Variants in ASIC2 observed in about 807,000 individuals in gnomAD.
The protein encoded by ASIC2 is acid-sensing ion channel 2.
Under a neutral mutation model 57.3 loss-of-function variants are expected in ASIC2, and 25 were observed. That is an observed-to-expected ratio of 0.44 (90% CI 0.32 to 0.61). The LOEUF (loss-of-function observed/expected upper bound fraction) is 0.61, where lower values mean the gene tolerates loss of function less well. Ranked by LOEUF, ASIC2 falls within the 20% of genes least tolerant of loss-of-function variation. ASIC2 has a pLI of 0.06. For missense variants in ASIC2, 641 were observed against 738.1 expected (o/e 0.87, Z 1.52); for synonymous variants, 319 against 307.5 (o/e 1.04, Z -0.39).
At chr17:33,367,583 A>C (rs766208336) in intron 1 of ASIC2, among the ~76,000 whole-genome samples, 5 of 152,320 alleles carry the variant, frequency 3.3e-5, no homozygotes, top group Middle Eastern at 3.4e-3. Flanking sequence ...GCCTCCCTTC[A>C]TGCCTGCTGT....
intron 1 of ASIC2, among the ~76,000 whole-genome samples, chr17:33,915,259 C>T (rs1915559347): frequency 6.6e-6 from 1 of 152,190 alleles, no homozygotes; most frequent in Admixed American, 6.5e-5. Flanking sequence ...GTGTGCCTGG[C>T]TTTAAGAAAG....
chr17:33,693,917 G>A (rs914529878), intron 1 of ASIC2, among the ~76,000 whole-genome samples: 2 of 152,170 alleles, frequency 1.3e-5, no homozygotes, highest in Admixed American at 6.5e-5. Context: ...CTAGTGTCAC[G>A]ACCAATTTGT....
chr17:34,075,075 G>A (rs1325188525), intron 1 of ASIC2, among the ~76,000 whole-genome samples: 2 of 152,008 alleles, frequency 1.3e-5, no homozygotes, highest in African/African-American at 2.4e-5. Context: ...GTGAGCCACC[G>A]CGCCCGGCCA....
At chr17:33,651,918 C>T (rs1396361627) in intron 1 of ASIC2, among the ~76,000 whole-genome samples, 1 of 152,168 alleles carries the variant, frequency 6.6e-6, no homozygotes, top group Non-Finnish European at 1.5e-5. Context: ...AAAGTTTGCA[C>T]TTGGAGGTAG....
chr17:33,027,433 G>A (rs1199829734), intron 4 of ASIC2, among the ~76,000 whole-genome samples: 7 of 152,094 alleles, frequency 4.6e-5, no homozygotes, highest in Non-Finnish European at 8.8e-5. Flanking sequence ...CAACATTCCC[G>A]GCACATAGTA....
intron 1 of ASIC2, among the ~76,000 whole-genome samples, chr17:33,668,272 CTTTTT>C (rs397856474): frequency 3.3e-5 from 2 of 61,388 alleles, no homozygotes; most frequent in African/African-American, 8.9e-5. Context: ...ATCAAATGTT[CTTTTT>C]TTTTTTTTTT....
chr17:34,145,321 A>G (rs1298116229), intron 1 of ASIC2, among the ~76,000 whole-genome samples: 1 of 152,110 alleles, frequency 6.6e-6, no homozygotes, highest in African/African-American at 2.4e-5. Flanking sequence ...GATGTGCTGG[A>G]TTGCATCTAT....
intron 1 of ASIC2, among the ~76,000 whole-genome samples, chr17:33,521,988 T>A (rs949496323): frequency 6.6e-6 from 1 of 152,198 alleles, no homozygotes; most frequent in Admixed American, 6.5e-5. Flanking sequence ...GGGGGCCCTC[T>A]GCTGGGCAGC....
intron 1 of ASIC2, among the ~76,000 whole-genome samples, chr17:33,151,884 A>G (rs1904813922): frequency 6.6e-6 from 1 of 152,210 alleles, no homozygotes; most frequent in African/African-American, 2.4e-5. Context: ...GGGCTAAGAC[A>G]CTTCTGGAGT....
At chr17:33,673,261 A>G (rs1446982354) in intron 1 of ASIC2, among the ~76,000 whole-genome samples, 1 of 152,126 alleles carries the variant, frequency 6.6e-6, no homozygotes, top group Non-Finnish European at 1.5e-5. Context: ...ACTGAGGCAT[A>G]AAGGGGATGA....
At chr17:33,925,102 C>T (rs925471292) in intron 1 of ASIC2, among the ~76,000 whole-genome samples, 7 of 152,212 alleles carry the variant, frequency 4.6e-5, no homozygotes, top group African/African-American at 7.2e-5. Flanking sequence ...AGGGTTGATG[C>T]CTCAGGCCTT....
intron 1 of ASIC2, among the ~76,000 whole-genome samples, chr17:33,128,889 G>A (rs992717046): frequency 1.3e-5 from 2 of 152,176 alleles, no homozygotes; most frequent in African/African-American, 2.4e-5. Flanking sequence ...CACAGTGAGT[G>A]TGCAACAAAT....
chr17:33,424,413 G>T (rs950288029), intron 1 of ASIC2, among the ~76,000 whole-genome samples: 15 of 152,216 alleles, frequency 9.9e-5, no homozygotes, highest in Non-Finnish European at 2.1e-4. Flanking sequence ...CAGAAGTTCA[G>T]TGGGGAGTCC....
At chr17:33,909,262 C>T (rs1056891943) in intron 1 of ASIC2, among the ~76,000 whole-genome samples, 1 of 152,194 alleles carries the variant, frequency 6.6e-6, no homozygotes, top group African/African-American at 2.4e-5. Context: ...AGGCATTATC[C>T]TCTCCCGTTG....
At chr17:33,180,098 TG>T (rs1200652964) in intron 1 of ASIC2, among the ~76,000 whole-genome samples, 27 of 152,258 alleles carry the variant, frequency 1.8e-4, no homozygotes, top group Admixed American at 6.5e-4. Flanking sequence ...TAAAAACAAC[TG>T]GAAAGGAATG....
chr17:33,799,427 C>CTTTCTTTCTTTCT (rs11439080), intron 1 of ASIC2, among the ~76,000 whole-genome samples: 2 of 84,058 alleles, frequency 2.4e-5, no homozygotes, highest in Admixed American at 1.4e-4. Flanking sequence ...TTCTTTCTTT[C>CTTTCTTTCTTTCT]TTCTTTCTTT....
intron 1 of ASIC2, among the ~76,000 whole-genome samples, chr17:33,579,839 G>A (rs1904364984): frequency 1.3e-5 from 2 of 152,108 alleles, no homozygotes; most frequent in South Asian, 2.1e-4. Context: ...CGGGTGGGCT[G>A]CATTTATTCC....
rs142107394 is a variant in ASIC2, at chr17:33,651,107, CAT to C, written c.555+504869_555+504870del. 1.5e-4 allele frequency among the ~76,000 whole-genome samples: 23 copies of C among 152,220 alleles called. No individual in the cohort carries two copies. The East Asian group carries it at 2.3e-3, about 15-fold the overall frequency. On this transcript the variant is annotated intron_variant, in intron 1 of 9. Transcript: ENST00000359872. Reference sequence around the variant, plus strand: ...AAATTAAAGAAGAACAAAAACTACACATGTGACAAAATTTTGTAGAAACACAC... The same window carrying C: ...AAATTAAAGAAGAACAAAAACTACACGTGACAAAATTTTGTAGAAACACAC...
intron 1 of ASIC2, among the ~76,000 whole-genome samples, chr17:33,866,987 G>C (rs1914253962): frequency 6.6e-6 from 1 of 152,192 alleles, no homozygotes; most frequent in Non-Finnish European, 1.5e-5. Context: ...AAAAGAATAT[G>C]TAATGTGAAT....
Sources: gnomAD v4.1 joint callset for allele counts (sites outside exome capture counted in the v4.1 genomes callset) on GRCh38, gnomAD v4.1.1 for gene constraint, MANE v1.5 for transcripts, NCBI Gene and HGNC (gene_info 2026-07-23, HGNC 2026-07-21) for gene names.